C10orf67: variants seen among roughly 807,000 people sequenced by gnomAD.
C10orf67 encodes chromosome 10 open reading frame 67, also known as uncharacterized protein C10orf67, mitochondrial.
Under a neutral mutation model 35.6 loss-of-function variants are expected in C10orf67, and 60 were observed. The observed-to-expected ratio is 1.68, with a 90% CI of 1.37 to 2.09. C10orf67 has a LOEUF of 2.09. C10orf67 is among the 30% of genes most tolerant of loss of function. The pLI, the probability that C10orf67 is intolerant of heterozygous loss-of-function variation, is 0.00. For missense variants in C10orf67, 474 were observed against 330.2 expected, an observed-to-expected ratio of 1.44 and a Z score of -3.38; for synonymous variants, 167 against 115.8, an observed-to-expected ratio of 1.44 and a Z score of -2.84.
rs141506958 is a variant in C10orf67 at position 23,273,471 on chromosome 10, T to C, written c.976-6217A>G. ...TTTTATATTCTTCCCATGAACAAAATATATTTATCTTCACTCAAGGCCTTA... is the reference window on the plus strand; with the variant it reads ...TTTTATATTCTTCCCATGAACAAAACATATTTATCTTCACTCAAGGCCTTA... On this transcript the variant is annotated intron_variant, in intron 8 of 15. Coordinates refer to ENST00000636213, the MANE Select transcript of C10orf67 (RefSeq NM_001371909.1). Among the ~76,000 whole-genome samples the C allele has an allele frequency of 2.9e-3, 447 of 152,294 alleles. 2 individuals carry two copies. The highest frequency in any genetic ancestry group is 0.01 in the African/African-American group (416 of 41,558).
chr10:23,251,884 G>A (rs1842464233), intron 10 of C10orf67, among the ~76,000 whole-genome samples: 1 of 152,178 alleles, frequency 6.6e-6, no homozygotes. Context: ...TTGAGAAAGA[G>A]AACTGAGACT....
intron 13 of C10orf67, among the ~76,000 whole-genome samples, chr10:23,236,446 A>G (rs1842056347): frequency 1.3e-5 from 2 of 151,886 alleles, no homozygotes; most frequent in Admixed American, 1.3e-4. Context: ...AAAACAAAAC[A>G]AAACAAACAA....
At position 23,231,907 on chromosome 10, in the gene C10orf67, C is replaced by T. The variant is rs11013344; in HGVS notation, c.1434+7822G>A. On this transcript the variant is annotated intron_variant, in intron 13 of 15. Coordinates refer to ENST00000636213, the MANE Select transcript of C10orf67 (RefSeq NM_001371909.1). ...GAGCAAAATCACAGAACAATGTGTG[C>T]ATTTTTCATTTACTTATTTTTTATT... 6.7e-3 allele frequency among the ~76,000 whole-genome samples: 1,026 copies of T among 152,220 alleles called. 13 individuals are homozygous for T. Among genetic ancestry groups the T allele is most frequent in the African/African-American group, 0.024 (976 of 41,532 alleles).
chr10:23,305,659 CA>C (rs1321674561), intron 4 of C10orf67, among the ~76,000 whole-genome samples: 1 of 151,902 alleles, frequency 6.6e-6, no homozygotes, highest in Non-Finnish European at 1.5e-5. Context: ...TGAGTATTTT[CA>C]AAAAGATAAG....
chr10:23,319,883 A>G (rs937540816), intron 4 of C10orf67, among the ~76,000 whole-genome samples: 1 of 152,230 alleles, frequency 6.6e-6, no homozygotes, highest in Non-Finnish European at 1.5e-5. Flanking sequence ...TTTGGCTTCT[A>G]TAGTTGGAAG....
At chr10:23,340,897 C>G (rs1474525951) in intron 1 of C10orf67, among the ~76,000 whole-genome samples, 2 of 152,136 alleles carry the variant, frequency 1.3e-5, no homozygotes, top group Non-Finnish European at 2.9e-5. Flanking sequence ...TTTTGGAAAA[C>G]AGACCTATGA....
intron 2 of C10orf67, among the ~76,000 whole-genome samples, chr10:23,322,972 C>G (rs1845017334): frequency 1.3e-5 from 2 of 152,114 alleles, no homozygotes; most frequent in South Asian, 4.1e-4. Flanking sequence ...GGTCAGAGGT[C>G]TGTCCTGATT....
intron 13 of C10orf67, among the ~76,000 whole-genome samples, chr10:23,233,444 T>C (rs1564464367): frequency 6.6e-6 from 1 of 152,150 alleles, no homozygotes; most frequent in Non-Finnish European, 1.5e-5. Context: ...AAATTCATGG[T>C]CCAGTTTATA....
At chr10:23,211,376 C>T (rs1841300933) in intron 15 of C10orf67, among the ~76,000 whole-genome samples, 1 of 152,018 alleles carries the variant, frequency 6.6e-6, no homozygotes, top group Non-Finnish European at 1.5e-5. Flanking sequence ...GGCTTAATTA[C>T]ATCTGCAGAG....
intron 6 of C10orf67, among the ~76,000 whole-genome samples, chr10:23,290,922 C>T (rs546012881): frequency 1.3e-5 from 2 of 152,324 alleles, no homozygotes; most frequent in South Asian, 4.1e-4. Context: ...CCTGAATTAA[C>T]GTGACATGGC....
chr10:23,221,307 A>G (rs1841574317), intron 15 of C10orf67, among the ~76,000 whole-genome samples: 1 of 152,178 alleles, frequency 6.6e-6, no homozygotes, highest in Non-Finnish European at 1.5e-5. Flanking sequence ...GCATGAGAAG[A>G]GTAAGGGGGA....
chr10:23,281,312 T>C (rs1843357498), intron 8 of C10orf67, among the ~76,000 whole-genome samples: 1 of 152,222 alleles, frequency 6.6e-6, no homozygotes, highest in African/African-American at 2.4e-5. Context: ...TTTCAATATC[T>C]GAAGTGGTGT....
chr10:23,215,052 G>C (rs752507106), intron 15 of C10orf67, among the ~76,000 whole-genome samples: 2 of 151,906 alleles, frequency 1.3e-5, no homozygotes, highest in Admixed American at 1.3e-4. Context: ...GGGCAGAAAA[G>C]GGGCATAATT....
chr10:23,279,803 A>G (rs1415973977), intron 8 of C10orf67, among the ~76,000 whole-genome samples: 1 of 151,266 alleles, frequency 6.6e-6, no homozygotes, highest in East Asian at 1.9e-4. Flanking sequence ...TATTATATAA[A>G]TAATAAATAT....
rs376921558 is a variant in C10orf67, at chr10:23,253,673, CTG to C, written c.1201-2984_1201-2983del. Among the ~76,000 whole-genome samples the C allele has an allele frequency of 2.2e-4, 33 of 152,136 alleles. No individual in the cohort carries two copies. In the South Asian group the frequency reaches 4.8e-3, roughly 22 times the overall value. On this transcript the variant is annotated intron_variant, in intron 10 of 15. Coordinates refer to ENST00000636213, the MANE Select transcript of C10orf67 (RefSeq NM_001371909.1). ...GATTGAATGCTTATTTAAAAAAAAA[CTG>C]TGTTTAAATTTATGTACAGTAAAAA...
intron 7 of C10orf67, among the ~76,000 whole-genome samples, chr10:23,284,642 T>C (rs542047387): frequency 6.6e-6 from 1 of 152,040 alleles, no homozygotes; most frequent in Non-Finnish European, 1.5e-5. Flanking sequence ...GCCATGATCA[T>C]GCCACTGCAC....
At chr10:23,212,643 T>C (rs2132088328) in intron 15 of C10orf67, among the ~76,000 whole-genome samples, 1 of 152,300 alleles carries the variant, frequency 6.6e-6, no homozygotes, top group East Asian at 1.9e-4. Context: ...CTAGACCACC[T>C]GCTGGCTTGG....
intron 8 of C10orf67, among the ~76,000 whole-genome samples, chr10:23,268,267 C>T (rs889060368): frequency 6.6e-6 from 1 of 152,122 alleles, no homozygotes; most frequent in African/African-American, 2.4e-5. Context: ...TGCACTCCAA[C>T]CTAGGCAACA....
At chr10:23,255,798 A>G (rs1433670022) in intron 10 of C10orf67, among the ~76,000 whole-genome samples, 1 of 152,226 alleles carries the variant, frequency 6.6e-6, no homozygotes, top group Non-Finnish European at 1.5e-5. Context: ...TACATACAGC[A>G]CATATAATGG....
Sources: allele counts gnomAD v4.1 joint callset (sites outside exome capture counted in the v4.1 genomes callset), GRCh38; gene constraint gnomAD v4.1.1; transcripts MANE v1.5; gene names NCBI Gene and HGNC (gene_info 2026-07-23, HGNC 2026-07-21).